The following LGI1 variants were observed in gnomAD, a reference collection of about 807,000 sequenced individuals.
The protein encoded by LGI1 is leucine rich glioma inactivated 1, also known as leucine-rich glioma-inactivated protein 1.
A neutral mutation model predicts 57.7 loss-of-function variants in LGI1; 11 were observed. That is an observed-to-expected ratio of 0.19 (90% CI 0.12 to 0.32). LGI1 has a LOEUF of 0.32. LGI1 is among the 10% of genes least tolerant of loss of function. The pLI is 1.00. For missense variants in LGI1, 422 were observed against 661.9 expected (o/e 0.64, Z 3.98); for synonymous variants, 222 against 241.9 (o/e 0.92, Z 0.76).
intron 2 of LGI1, chr10:93,771,163 A>G (rs971607591): frequency 7.9e-5 from 12 of 152,232 alleles, no homozygotes; most frequent in African/African-American, 2.7e-4. Flanking sequence ...TAATTCTGTT[A>G]ATTATTCAAC....
intron 2 of LGI1, among the ~76,000 whole-genome samples, chr10:93,776,225 A>G (rs2059792500): frequency 1.3e-5 from 2 of 152,200 alleles, no homozygotes; most frequent in South Asian, 4.1e-4. Context: ...GCAAGAAATC[A>G]TCTCATTTTG....
intron 2 of LGI1, among the ~76,000 whole-genome samples, chr10:93,760,091 T>C (rs760316123): frequency 1.3e-5 from 2 of 152,258 alleles, no homozygotes; most frequent in Non-Finnish European, 2.9e-5. Flanking sequence ...TTTGTGTATA[T>C]GAAATTCCTA....
intron 2 of LGI1, among the ~76,000 whole-genome samples, chr10:93,759,741 T>G (rs1408908675): frequency 6.6e-6 from 1 of 152,202 alleles, no homozygotes; most frequent in East Asian, 1.9e-4. Flanking sequence ...CTTTCACTTG[T>G]TTGTTTTTTA....
rs1186626220 is a variant in LGI1, at chr10:93,797,476, A to G, written c.1347A>G (p.Thr449=). 6.2e-7 allele frequency: 1 copy of G among 1,614,238 alleles called. No individual in the cohort carries two copies. Among genetic ancestry groups the G allele is most frequent in the East Asian group, 2.2e-5 (1 of 44,882 alleles). The change falls in exon 8 of 8, where the codon ACA becomes ACG. Residue 449 remains threonine, a synonymous_variant. Transcript: ENST00000371418. This position sits in a 1 kb window ranked among gnomAD's most constrained non-coding sequence, Gnocchi z 6.5. The stretch of plus-strand genomic sequence containing the variant: ...AAGGGGACGTGTACATTTGCTTGAC[A>G]AGATTCATTGGTGATTCCAAAGTCA... ...SVKGDVYICL[T]RFIGDSKVMK... is the part of the protein sequence containing the mutation.
rs750230893 is a variant in LGI1 at position 93,758,884 on chromosome 10, G to A, written c.287+53G>A. On this transcript the variant is annotated intron_variant, in intron 2 of 7. Coordinates refer to ENST00000371418, the MANE Select transcript of LGI1 (RefSeq NM_005097.4). This position sits in a 1 kb window ranked among gnomAD's most constrained non-coding sequence, Gnocchi z 4.7. ...TTTAATATGGCATATATTTGGATAA[G>A]CCTTCTAGTAAAATGATCTCAATAT... 26 of 1,217,428 alleles carry A rather than the reference G, an allele frequency of 2.1e-5. No individual in the cohort carries two copies. Among genetic ancestry groups the A allele is most frequent in the Admixed American group, 5.1e-5 (3 of 58,446 alleles). The allele number at this position is 1,217,428 out of a possible 1,614,324, so 75.4% of individuals were successfully genotyped here. A position where few individuals can be genotyped will look rare whatever the true frequency, so the allele number is the denominator to read the frequency against.
chr10:93,759,050 A>T, intron 2 of LGI1: 6 of 566,438 alleles, frequency 1.1e-5, no homozygotes, highest in Non-Finnish European at 1.9e-5. Flanking sequence ...CATGCTGTCT[A>T]CTTTAATGGC....
chr10:93,783,199 A>AC (rs1264709140), intron 4 of LGI1, among the ~76,000 whole-genome samples: 1 of 152,042 alleles, frequency 6.6e-6, no homozygotes, highest in African/African-American at 2.4e-5. Flanking sequence ...ACACGGTGAA[A>AC]CCCCATCTCT....
intron 2 of LGI1, among the ~76,000 whole-genome samples, chr10:93,775,109 T>C (rs1276744329): frequency 1.3e-5 from 2 of 152,152 alleles, no homozygotes; most frequent in African/African-American, 4.8e-5. Context: ...AAAGAAAAAG[T>C]GCACGTTATA....
At chr10:93,770,855 C>T (rs1021691082) in intron 2 of LGI1, 29 of 151,880 alleles carry the variant, frequency 1.9e-4, no homozygotes, top group African/African-American at 6.0e-4. Context: ...AAATCAAATA[C>T]GCAATTTTAA....
At chr10:93,770,774 A>C (rs961109469) in intron 2 of LGI1, 5 of 152,104 alleles carry the variant, frequency 3.3e-5, no homozygotes, top group Non-Finnish European at 7.3e-5. Context: ...TTAATAATGA[A>C]ATTATGAAAG....
At chr10:93,796,432 T>G (rs7076248) in intron 7 of LGI1, among the ~76,000 whole-genome samples, 8 of 152,120 alleles carry the variant, frequency 5.3e-5, no homozygotes, top group Non-Finnish European at 5.9e-5. Flanking sequence ...CAGCTTGGGT[T>G]AAAAGCATAG....
intron 2 of LGI1, chr10:93,777,147 G>T: frequency 1.7e-6 from 1 of 605,562 alleles, no homozygotes; most frequent in Middle Eastern, 4.5e-4. Context: ...AGGGTATGTG[G>T]CAGTCATTGT....
At chr10:93,770,631 C>T (rs1482396042) in intron 2 of LGI1, 1 of 152,100 alleles carries the variant, frequency 6.6e-6, no homozygotes, top group African/African-American at 2.4e-5. Flanking sequence ...ACCAGGAACC[C>T]CCTAATAGCT....
rs571391768 is a variant in LGI1 at position 93,793,341 on chromosome 10, A to G, written c.829A>G (p.Asn277Asp). The G allele has an allele frequency of 1.9e-6, 3 of 1,613,780 alleles. No individual in the cohort carries two copies. In the South Asian group the frequency reaches 3.3e-5, roughly 18 times the overall value. ...HVEKTFRNYD[N>D]ITGTSTVVCK... Reference sequence around the variant, plus strand: ...GGAAAAGACCTTCCGGAATTATGACAACATTACAGGTATGAAAAGCCTAAT... The same window carrying G: ...GGAAAAGACCTTCCGGAATTATGACGACATTACAGGTATGAAAAGCCTAAT... The change falls in exon 7 of 8, where the codon AAC becomes GAC. Residue 277 changes from asparagine to aspartate, a missense_variant. This residue lies in a region of LGI1 where 301 missense variants were observed against 461.7 expected (regional missense o/e 0.65). Transcript: ENST00000371418.
chr10:93,781,647 A>T (rs2059848644), intron 4 of LGI1, among the ~76,000 whole-genome samples: 1 of 152,156 alleles, frequency 6.6e-6, no homozygotes, highest in Admixed American at 6.5e-5. Context: ...AATTTTTCTG[A>T]TGAATATATG....
chr10:93,780,683 C>G (rs1472610409), intron 4 of LGI1, among the ~76,000 whole-genome samples: 1 of 152,050 alleles, frequency 6.6e-6, no homozygotes, highest in Non-Finnish European at 1.5e-5. Context: ...AGTGGTAAAG[C>G]CAGACAGCTC....
rs866303546 is a variant in LGI1, at chr10:93,757,948, A to G, written c.-197A>G. On this transcript the variant is annotated 5_prime_UTR_variant, in exon 1 of 8. Coordinates refer to ENST00000371418, the MANE Select transcript of LGI1 (RefSeq NM_005097.4). ...TCCCTCCCATCTCACAGTACCTCACAGGTCTCTTCCCCCGAGCAGTGCATT... is the reference window on the plus strand; with the variant it reads ...TCCCTCCCATCTCACAGTACCTCACGGGTCTCTTCCCCCGAGCAGTGCATT... 13 of 629,446 alleles carry G rather than the reference A, an allele frequency of 2.1e-5. No homozygotes were observed. The highest frequency in any genetic ancestry group is 4.1e-4 in the Middle Eastern group (1 of 2,452). The allele number at this position is 629,446 out of a possible 1,614,324, so 39.0% of individuals were successfully genotyped here.
chr10:93,783,459 T>G (rs2059867439), intron 4 of LGI1, among the ~76,000 whole-genome samples: 1 of 152,184 alleles, frequency 6.6e-6, no homozygotes. Flanking sequence ...GGTGCTTAGT[T>G]GAAGGCAACT....
At chr10:93,761,387 A>G (rs555593613) in intron 2 of LGI1, among the ~76,000 whole-genome samples, 14 of 152,318 alleles carry the variant, frequency 9.2e-5, no homozygotes, top group Middle Eastern at 3.4e-3. Flanking sequence ...TTTCAGAATC[A>G]ATTCGGCTTG....
Sources: allele counts gnomAD v4.1 joint callset (sites outside exome capture counted in the v4.1 genomes callset), GRCh38; gene constraint gnomAD v4.1.1; regional missense constraint gnomAD v4.1.1; non-coding constraint Gnocchi (gnomAD v3.1); transcripts MANE v1.5; gene names NCBI Gene and HGNC (gene_info 2026-07-23, HGNC 2026-07-21).